The following ESR2 variants were observed in gnomAD, a reference collection of about 807,000 sequenced individuals.
ESR2 encodes the protein estrogen receptor beta.
Under a neutral mutation model 49.6 loss-of-function variants are expected in ESR2, and 36 were observed. The observed-to-expected ratio is 0.73, with a 90% CI of 0.56 to 0.96. ESR2 has a LOEUF of 0.96. Ranked by LOEUF, ESR2 falls within the 40% of genes least tolerant of loss-of-function variation. ESR2 has a pLI of 0.00. For synonymous variants in ESR2, 320 were observed against 266.1 expected, an observed-to-expected ratio of 1.20 and a Z score of -1.97; for missense variants, 714 against 693.0, an observed-to-expected ratio of 1.03 and a Z score of -0.34.
At chr14:64,312,895 T>A (rs1387427083) in intron 1 of ESR2, among the ~76,000 whole-genome samples, 1 of 151,086 alleles carries the variant, frequency 6.6e-6, no homozygotes, top group Non-Finnish European at 1.5e-5. Context: ...GGGAACAGAG[T>A]GAGACTCCAT....
intron 6 of ESR2, among the ~76,000 whole-genome samples, chr14:64,255,055 T>C (rs1435373598): frequency 6.6e-6 from 1 of 152,088 alleles, no homozygotes; most frequent in Non-Finnish European, 1.5e-5. Context: ...CCACTTATAG[T>C]AATGTATACA....
intron 6 of ESR2, among the ~76,000 whole-genome samples, chr14:64,252,692 A>C (rs1249882601): frequency 6.6e-6 from 1 of 152,164 alleles, no homozygotes; most frequent in Admixed American, 6.5e-5. Context: ...TTAAAGCATA[A>C]GCTCCTGTGA....
chr14:64,275,461 A>G (rs1260872922), intron 3 of ESR2, among the ~76,000 whole-genome samples: 1 of 151,896 alleles, frequency 6.6e-6, no homozygotes, highest in Non-Finnish European at 1.5e-5. Flanking sequence ...TTCAATCTAC[A>G]TGTGTCTGAG....
rs1306618171 is a variant in ESR2, at chr14:64,233,102, G to C, written c.*35C>G. On this transcript the variant is annotated 3_prime_UTR_variant, in exon 9 of 9. Coordinates refer to ENST00000341099, the MANE Select transcript of ESR2 (RefSeq NM_001437.3). ...CACTGGAGTTCACGCTTCAGCCTGT[G>C]ACCTCTGTGGGCCAGTTCACCTCAG... The C allele has an allele frequency of 6.3e-7, 1 of 1,597,292 alleles. No individual in the cohort carries two copies. Among genetic ancestry groups the C allele is most frequent in the Non-Finnish European group, 8.6e-7 (1 of 1,167,978 alleles).
At chr14:64,255,141 G>T (rs2076073528) in intron 6 of ESR2, among the ~76,000 whole-genome samples, 1 of 151,966 alleles carries the variant, frequency 6.6e-6, no homozygotes, top group Non-Finnish European at 1.5e-5. Flanking sequence ...AACCAGGAAT[G>T]AAATAGTCAC....
At chr14:64,312,122 A>G (rs944070589) in intron 1 of ESR2, among the ~76,000 whole-genome samples, 1 of 152,186 alleles carries the variant, frequency 6.6e-6, no homozygotes, top group African/African-American at 2.4e-5. Context: ...ACTTTACTCA[A>G]ACTGGTAAAA....
Position 64,328,216 on chromosome 14 carries a change from C to T in ESR2, c.-91+9682G>A, listed in dbSNP as rs369881798. 1.4e-4 allele frequency among the ~76,000 whole-genome samples: 21 copies of T among 151,154 alleles called. No homozygotes were observed. The East Asian group carries it at 3.3e-3, about 24-fold the overall frequency. On this transcript the variant is annotated intron_variant, in intron 1 of 8. Transcript: ENST00000358599. The stretch of plus-strand genomic sequence containing the variant: ...CAGCTTGGGTGACACAACGAGACTT[C>T]GTCTCAAAAAAATAAATAAATAATG...
At chr14:64,328,157 G>A (rs763710109) in intron 1 of ESR2, among the ~76,000 whole-genome samples, 7 of 152,148 alleles carry the variant, frequency 4.6e-5, no homozygotes, top group Non-Finnish European at 8.8e-5. Context: ...GGGAGGTGGA[G>A]GTTGCAGTGA....
intron 7 of ESR2, among the ~76,000 whole-genome samples, chr14:64,245,507 G>A (rs1213793382): frequency 2.2e-5 from 1 of 45,486 alleles, no homozygotes; most frequent in Non-Finnish European, 3.6e-5. Flanking sequence ...GCAAGACTCT[G>A]TCAAAAAAAA....
chr14:64,332,899 T>C (rs111414010), intron 1 of ESR2, among the ~76,000 whole-genome samples: 5 of 134,622 alleles, frequency 3.7e-5, no homozygotes, highest in African/African-American at 1.1e-4. Context: ...TGAGACAGAG[T>C]CTCGCTCTGT....
intron 5 of ESR2, among the ~76,000 whole-genome samples, chr14:64,258,446 T>C (rs1246548023): frequency 6.6e-6 from 1 of 152,180 alleles, no homozygotes; most frequent in Non-Finnish European, 1.5e-5. Context: ...TGAAATGGAC[T>C]CTGGTTCGAA....
At chr14:64,252,044 A>G (rs1001680527) in intron 6 of ESR2, among the ~76,000 whole-genome samples, 18 of 152,324 alleles carry the variant, frequency 1.2e-4, no homozygotes, top group Admixed American at 1.2e-3. Context: ...GGCTGGGTAA[A>G]GTGGCCCATG....
chr14:64,246,177 A>T (rs2075851111), intron 7 of ESR2, among the ~76,000 whole-genome samples: 1 of 152,168 alleles, frequency 6.6e-6, no homozygotes. Flanking sequence ...ACCCTGTCTG[A>T]CATGGTTAGG....
At chr14:64,320,588 C>A (rs2077313882) in intron 1 of ESR2, among the ~76,000 whole-genome samples, 2 of 152,036 alleles carry the variant, frequency 1.3e-5, no homozygotes, top group Admixed American at 1.3e-4. Flanking sequence ...AAACCCCGGA[C>A]TTTAGTTAAT....
At chr14:64,263,659 T>A (rs1348442097) in intron 4 of ESR2, among the ~76,000 whole-genome samples, 1 of 150,948 alleles carries the variant, frequency 6.6e-6, no homozygotes, top group Non-Finnish European at 1.5e-5. Context: ...AAAAAATAAA[T>A]AAATAAATAA....
downstream of ESR2, chr14:64,227,971 G>GA (rs2098723355): frequency 6.3e-7 from 1 of 1,582,318 alleles, no homozygotes; most frequent in Admixed American, 1.8e-5. Context: ...AATGATTACA[G>GA]AAAATCTATC....
At chr14:64,328,246 C>A (rs2077413546) in intron 1 of ESR2, among the ~76,000 whole-genome samples, 1 of 150,682 alleles carries the variant, frequency 6.6e-6, no homozygotes, top group African/African-American at 2.4e-5. Flanking sequence ...ATAATGAAAC[C>A]CATCTCTACT....
chr14:64,305,108 G>A lies in ESR2; in HGVS notation c.-90-22033C>T, dbSNP rs186010992. ...GATCGAGACCAACCTGGCTAACACG[G>A]TGAAACCCCGTCTCTACTAAAAATA... On this transcript the variant is annotated intron_variant, in intron 1 of 8. Transcript: ENST00000358599. Among the ~76,000 whole-genome samples the A allele has an allele frequency of 7.5e-3, 1,131 of 151,558 alleles. 5 individuals carry two copies. Among genetic ancestry groups the A allele is most frequent in the South Asian group, 0.017 (79 of 4,782 alleles).
At chr14:64,294,607 G>T (rs999482060), upstream of ESR2, among the ~76,000 whole-genome samples, 2 of 152,258 alleles carry the variant, frequency 1.3e-5, no homozygotes, top group East Asian at 3.9e-4. Context: ...TCTGGAGTAG[G>T]GCCTGAGAAT....
Sources: gnomAD v4.1 joint callset for allele counts (sites outside exome capture counted in the v4.1 genomes callset) on GRCh38, gnomAD v4.1.1 for gene constraint, MANE v1.5 for transcripts, NCBI Gene and HGNC (gene_info 2026-07-23, HGNC 2026-07-21) for gene names.